Variants in FBXL17 observed in about 807,000 individuals in gnomAD.
The protein encoded by FBXL17 is F-box/LRR-repeat protein 17.
In FBXL17, 22 loss-of-function variants were observed where a neutral mutation model predicts 66.2. The observed-to-expected ratio is 0.33, with a 90% CI of 0.24 to 0.47. The LOEUF (loss-of-function observed/expected upper bound fraction) is 0.47. Among genes scored for constraint, FBXL17 ranks in the 20% least tolerant of loss-of-function variants. FBXL17 has a pLI of 1.00. For missense variants in FBXL17, 878 were observed against 948.2 expected (o/e 0.93, Z 0.97); for synonymous variants, 474 against 400.5 (o/e 1.18, Z -2.19).
At chr5:108,042,050 C>T (rs1050671962) in intron 6 of FBXL17, among the ~76,000 whole-genome samples, 1 of 152,072 alleles carries the variant, frequency 6.6e-6, no homozygotes, top group Non-Finnish European at 1.5e-5. Flanking sequence ...CATGTGCCAC[C>T]GTGCTCGGCT....
Position 108,381,323 on chromosome 5 carries a change from CG to C in FBXL17, c.368del (p.Ser123TrpfsTer235). ...CGGCAGCGGCGGCGGCGGCGGCGGC[CG>C]AGGATAGCAGGAAGCGGCGGGCAGC... is the stretch of plus-strand genomic sequence containing the variant. Reference protein sequence around the residue: ...AAAARRFLLSSAAAAAAAAAS... With the variant: ...AAAARRFLLSXAAAAAAAAAS... On this transcript the variant is annotated frameshift_variant, in exon 1 of 9. Transcript: ENST00000542267. LOFTEE classifies it high-confidence loss of function. 7.2e-7 allele frequency: 1 copy of C among 1,388,218 alleles called. No individual in the cohort carries two copies. 86.0% of individuals were successfully genotyped at this position (1,388,218 alleles called of 1,614,324 possible). A position where few individuals can be genotyped will look rare whatever the true frequency, so the allele number is the denominator to read the frequency against.
chr5:108,075,642 A>G (rs1022061523), intron 6 of FBXL17, among the ~76,000 whole-genome samples: 13 of 151,982 alleles, frequency 8.6e-5, no homozygotes, highest in Non-Finnish European at 1.9e-4. Context: ...CGCCCAGCAA[A>G]TTTTTGGTAT....
At chr5:107,924,060 G>GTTTTT in intron 7 of FBXL17, among the ~76,000 whole-genome samples, 1 of 107,566 alleles carries the variant, frequency 9.3e-6, no homozygotes, top group East Asian at 3.4e-4. Flanking sequence ...TGAGCTTAGT[G>GTTTTT]TTTTTTTTTT....
chr5:108,212,177 G>A (rs1754405036), intron 5 of FBXL17, among the ~76,000 whole-genome samples: 1 of 152,158 alleles, frequency 6.6e-6, no homozygotes, highest in Non-Finnish European at 1.5e-5. Context: ...AGCTCCAGCA[G>A]GTCATTTACA....
intron 5 of FBXL17, among the ~76,000 whole-genome samples, chr5:108,198,065 G>A (rs977932785): frequency 2.0e-5 from 3 of 152,046 alleles, no homozygotes; most frequent in Non-Finnish European, 4.4e-5. Flanking sequence ...TGCAATCTTT[G>A]GGTCTTCCAC....
At chr5:108,180,317 C>T (rs779493193) in intron 6 of FBXL17, among the ~76,000 whole-genome samples, 3 of 152,012 alleles carry the variant, frequency 2.0e-5, no homozygotes, top group African/African-American at 4.8e-5. Flanking sequence ...TCTAGACCAG[C>T]CTGGCCAACA....
chr5:108,208,411 C>T (rs564672834), intron 5 of FBXL17, among the ~76,000 whole-genome samples: 87 of 152,224 alleles, frequency 5.7e-4, no homozygotes, highest in African/African-American at 2.0e-3. Context: ...AATGGTATTG[C>T]CCAGGTTTTC....
Position 108,020,960 on chromosome 5 carries a change from T to C in FBXL17, c.1787A>G (p.Glu596Gly), listed in dbSNP as rs746509300. 1 of 1,610,852 alleles carries C rather than the reference T, an allele frequency of 6.2e-7. No individual in the cohort carries two copies. Among genetic ancestry groups the C allele is most frequent in the Non-Finnish European group, 8.5e-7 (1 of 1,177,646 alleles). Residue 596 changes from glutamate (E) to glycine (G), a missense_variant, in exon 7 of 9, where the codon GAG (glutamate) becomes GGG (glycine). Coordinates refer to ENST00000542267, the MANE Select transcript of FBXL17 (RefSeq NM_001163315.3). ...GATTTTACAGGACACCAAATATAGC[T>C]CTTTCAGGTTTTGTCCTTCCTTTGC... Reference protein sequence around the residue: ...VIAKEGQNLKELYLVSCKITD... With the variant: ...VIAKEGQNLKGLYLVSCKITD...
chr5:107,873,661 A>C (rs1748525310), intron 8 of FBXL17, among the ~76,000 whole-genome samples: 1 of 152,160 alleles, frequency 6.6e-6, no homozygotes, highest in South Asian at 2.1e-4. Flanking sequence ...TCAGGTGATT[A>C]AGAGTTCTGG....
At chr5:108,053,617 G>A (rs1747569609) in intron 6 of FBXL17, among the ~76,000 whole-genome samples, 1 of 152,142 alleles carries the variant, frequency 6.6e-6, no homozygotes, top group South Asian at 2.1e-4. Flanking sequence ...AATAATAGAT[G>A]GTGGTGAAGC....
chr5:107,867,757 C>CT (rs933798446), intron 8 of FBXL17, among the ~76,000 whole-genome samples: 38 of 152,286 alleles, frequency 2.5e-4, no homozygotes, highest in African/African-American at 9.1e-4. Context: ...GAAGGTCTAT[C>CT]TTTTTTTGGT....
intron 6 of FBXL17, among the ~76,000 whole-genome samples, chr5:108,160,470 T>C (rs1417680217): frequency 6.6e-6 from 1 of 152,204 alleles, no homozygotes; most frequent in Non-Finnish European, 1.5e-5. Context: ...AGAAGAAAGT[T>C]CTCAGTTAGT....
chr5:107,954,855 C>T (rs1383388778), intron 7 of FBXL17, among the ~76,000 whole-genome samples: 4 of 152,096 alleles, frequency 2.6e-5, no homozygotes, highest in African/African-American at 7.2e-5. Flanking sequence ...AAATTCCTAT[C>T]TATAAAATGA....
At chr5:107,975,069 T>A (rs576162927) in intron 7 of FBXL17, among the ~76,000 whole-genome samples, 79 of 152,302 alleles carry the variant, frequency 5.2e-4, no homozygotes, top group African/African-American at 1.8e-3. Context: ...TAGTCTTTGT[T>A]CTGGGAGTAA....
intron 1 of FBXL17, among the ~76,000 whole-genome samples, chr5:108,372,631 C>T (rs181572228): frequency 6.6e-6 from 1 of 152,228 alleles, no homozygotes; most frequent in East Asian, 1.9e-4. Context: ...ATTCAAAATG[C>T]TGAAAGGAAA....
At chr5:108,282,609 C>T (rs1425282593) in intron 4 of FBXL17, among the ~76,000 whole-genome samples, 1 of 151,520 alleles carries the variant, frequency 6.6e-6, no homozygotes, top group Non-Finnish European at 1.5e-5. Context: ...TGGAACAAAG[C>T]AAGGATACCC....
At chr5:108,121,750 G>A (rs974044796) in intron 6 of FBXL17, among the ~76,000 whole-genome samples, 8 of 152,034 alleles carry the variant, frequency 5.3e-5, no homozygotes, top group African/African-American at 1.7e-4. Flanking sequence ...GTAGAGAGGG[G>A]GTTTCACTGT....
intron 7 of FBXL17, among the ~76,000 whole-genome samples, chr5:107,947,290 C>A (rs113242619): frequency 2.2e-4 from 34 of 152,362 alleles, no homozygotes; most frequent in African/African-American, 7.9e-4. Flanking sequence ...TCTCATGCCT[C>A]TTCCTTCCTA....
intron 7 of FBXL17, among the ~76,000 whole-genome samples, chr5:107,972,960 C>T (rs778778219): frequency 2.6e-5 from 4 of 152,168 alleles, no homozygotes; most frequent in Non-Finnish European, 4.4e-5. Flanking sequence ...AGCCAACAAC[C>T]TCTCACCCCA....
Sources: allele counts gnomAD v4.1 joint callset (sites outside exome capture counted in the v4.1 genomes callset), GRCh38; gene constraint gnomAD v4.1.1; transcripts MANE v1.5; gene names NCBI Gene and HGNC (gene_info 2026-07-23, HGNC 2026-07-21).